PREX1: variants seen among roughly 807,000 people sequenced by gnomAD.
The protein encoded by PREX1 is phosphatidylinositol 3,4,5-trisphosphate-dependent Rac exchanger 1 protein.
PREX1 carries 41 observed loss-of-function variants against 198.3 expected under a neutral mutation model. That is an observed-to-expected ratio of 0.21 (90% CI 0.16 to 0.27). The LOEUF (loss-of-function observed/expected upper bound fraction) is 0.27. PREX1 is among the 10% of genes least tolerant of loss of function. The pLI is 1.00. For missense variants in PREX1, 1,620 were observed against 2,200.7 expected, an observed-to-expected ratio of 0.74 and a Z score of 5.28; for synonymous variants, 843 against 887.2, an observed-to-expected ratio of 0.95 and a Z score of 0.89.
intron 2 of PREX1, 52 bp downstream of exon 2, chr20:48,747,757 G>A (rs2090115724): frequency 1.9e-6 from 3 of 1,542,788 alleles, no homozygotes; most frequent in Middle Eastern, 1.7e-4. Flanking sequence ...GAAGAGCAAG[G>A]CACAAAGCAA....
intron 1 of PREX1, among the ~76,000 whole-genome samples, chr20:48,771,794 A>T (rs2090237144): frequency 6.6e-6 from 1 of 152,194 alleles, no homozygotes; most frequent in African/African-American, 2.4e-5. Context: ...ATAAATCCTC[A>T]CCACAGCCCT....
intron 1 of PREX1, among the ~76,000 whole-genome samples, chr20:48,771,301 T>A (rs898824301): frequency 6.6e-6 from 1 of 151,282 alleles, no homozygotes; most frequent in African/African-American, 2.4e-5. Context: ...GGTGTTTCAA[T>A]GAGTAACCTG....
intron 7 of PREX1, 47 bp downstream of exon 7, chr20:48,700,706 G>A (rs1252222422): frequency 6.2e-7 from 1 of 1,605,620 alleles, no homozygotes; most frequent in South Asian, 1.1e-5. Flanking sequence ...GGCATCACCT[G>A]GAGAAGGCAG....
chr20:48,639,634 A>G (rs2089392858), intron 30 of PREX1, 132 bp downstream of exon 30: 1 of 1,362,294 alleles, frequency 7.3e-7, no homozygotes, highest in South Asian at 1.4e-5. Context: ...AGAGGGCATC[A>G]CTTCTCTTGT....
the PREX1 span, among the ~76,000 whole-genome samples, chr20:48,856,906 C>T: frequency 1.3e-5 from 2 of 152,210 alleles, no homozygotes; most frequent in African/African-American, 4.8e-5. Flanking sequence ...GTAGCATGAT[C>T]TCGGTTCACT....
intron 1 of PREX1, among the ~76,000 whole-genome samples, chr20:48,815,946 G>C (rs1384836154): frequency 6.6e-6 from 1 of 151,318 alleles, no homozygotes; most frequent in Admixed American, 6.6e-5. Flanking sequence ...GGAAGTGGAG[G>C]TTGCAGTGAG....
At chr20:48,857,365 G>A in the PREX1 span, among the ~76,000 whole-genome samples, 2 of 152,178 alleles carry the variant, frequency 1.3e-5, no homozygotes, top group Non-Finnish European at 2.9e-5. Context: ...TTCAGAGGAT[G>A]CCAAGAGCTA....
intron 15 of PREX1, among the ~76,000 whole-genome samples, chr20:48,665,188 G>A (rs965817896): frequency 2.0e-5 from 3 of 150,492 alleles, no homozygotes; most frequent in East Asian, 2.0e-4. Flanking sequence ...AACTCCAGAC[G>A]GCCTGAGTTC....
At position 48,637,735 on chromosome 20, in the gene PREX1, G is replaced by A. The variant is rs2089376219; in HGVS notation, c.3922C>T (p.Leu1308Phe). Residue 1308 changes from leucine (L) to phenylalanine (F), a missense_variant, in exon 31 of 40, where the codon CTC (leucine) becomes TTC (phenylalanine). Physicochemically the swap from Leu to Phe is conservative, Grantham distance 22. Coordinates refer to ENST00000371941, the MANE Select transcript of PREX1 (RefSeq NM_020820.4). ...CCTGTGCACTTCAGCAAGGCCAGGA[G>A]CAGCTGGTTCTTCCCATCTGGAAGG... is the stretch of plus-strand genomic sequence containing the variant. ...RYVEDGKNQL[L>F]LALLKCTDTE... 1.2e-6 allele frequency: 2 copies of A among 1,612,488 alleles called. No homozygotes were observed. The highest frequency in any genetic ancestry group is 2.2e-5 in the East Asian group (1 of 44,868).
chr20:48,679,533 G>GT, intron 12 of PREX1, 118 bp downstream of exon 12: 2 of 1,369,174 alleles, frequency 1.5e-6, no homozygotes. Flanking sequence ...GCAGGGGTGA[G>GT]TTGTGGGCAG....
chr20:48,873,554 C>CAAAAAAAAAAAAAAAAAA, the PREX1 span, among the ~76,000 whole-genome samples: 1 of 70,110 alleles, frequency 1.4e-5, no homozygotes, highest in Non-Finnish European at 2.8e-5. Context: ...AGTAAAAATA[C>CAAAAAAAAAAAAAAAAAA]AAAAAAAAAA....
the PREX1 span, among the ~76,000 whole-genome samples, chr20:48,834,840 G>A: frequency 6.6e-6 from 1 of 152,208 alleles, no homozygotes; most frequent in Non-Finnish European, 1.5e-5. Flanking sequence ...GATTACAGGT[G>A]TGAGGCACCA....
intron 7 of PREX1, among the ~76,000 whole-genome samples, chr20:48,698,421 G>C (rs564988772): frequency 1.3e-5 from 2 of 152,234 alleles, no homozygotes; most frequent in East Asian, 3.9e-4. Context: ...AGACTGCTTG[G>C]GGCAGAGCGG....
intron 10 of PREX1, among the ~76,000 whole-genome samples, chr20:48,683,176 G>C (rs957926708): frequency 6.6e-6 from 1 of 152,234 alleles, no homozygotes; most frequent in Non-Finnish European, 1.5e-5. Context: ...ACAGATGTTT[G>C]AGTGCCCACT....
intron 1 of PREX1, among the ~76,000 whole-genome samples, chr20:48,786,790 A>G (rs1379110109): frequency 7.1e-6 from 1 of 140,972 alleles, no homozygotes; most frequent in Non-Finnish European, 1.5e-5. Context: ...AAGAGTAGAA[A>G]AGAAAAGAAA....
chr20:48,681,564 C>CTGGATGGATGCA (rs2089750775), intron 10 of PREX1, among the ~76,000 whole-genome samples: 2 of 151,648 alleles, frequency 1.3e-5, no homozygotes, highest in Admixed American at 1.3e-4. Flanking sequence ...CTCAGGCTCA[C>CTGGATGGATGCA]TGGATGGATG....
intron 1 of PREX1, among the ~76,000 whole-genome samples, chr20:48,803,376 G>A (rs1340984112): frequency 6.6e-6 from 1 of 152,112 alleles, no homozygotes; most frequent in African/African-American, 2.4e-5. Context: ...ACAGGGAGAT[G>A]AACCCAACAG....
intron 10 of PREX1, among the ~76,000 whole-genome samples, chr20:48,682,940 T>C (rs1373512184): frequency 6.6e-6 from 1 of 152,212 alleles, no homozygotes; most frequent in African/African-American, 2.4e-5. Flanking sequence ...TCCTAGTGTT[T>C]GGCAGAGCAA....
upstream of PREX1, among the ~76,000 whole-genome samples, chr20:48,828,073 C>CG (rs910584594): frequency 2.7e-5 from 4 of 147,414 alleles, no homozygotes; most frequent in African/African-American, 4.9e-5. Flanking sequence ...GGGCGGCCCT[C>CG]GGGGCTCCCA....
Sources: gnomAD v4.1 joint callset for allele counts (sites outside exome capture counted in the v4.1 genomes callset) on GRCh38, gnomAD v4.1.1 for gene constraint, MANE v1.5 for transcripts, NCBI Gene and HGNC (gene_info 2026-07-23, HGNC 2026-07-21) for gene names.